The following ATE1 variants were observed in gnomAD, a reference collection of about 807,000 sequenced individuals.
The protein encoded by ATE1 is arginyltransferase 1.
In ATE1, 36 loss-of-function variants were observed where a neutral mutation model predicts 70.5. The ratio of observed to expected loss-of-function variants is 0.51; its 90% confidence interval spans 0.39 to 0.67. The LOEUF is 0.67. Among genes scored for constraint, ATE1 ranks in the 30% least tolerant of loss-of-function variants. The pLI, the probability that ATE1 is intolerant of heterozygous loss-of-function variation, is 0.00. For missense variants in ATE1, 593 were observed against 629.5 expected (o/e 0.94, Z 0.62); for synonymous variants, 232 against 219.3 (o/e 1.06, Z -0.51).
chr10:121,858,093 G>A (rs770082275), intron 8 of ATE1, among the ~76,000 whole-genome samples: 71 of 152,254 alleles, frequency 4.7e-4, no homozygotes, highest in Admixed American at 1.2e-3. Flanking sequence ...ATCCACCGAT[G>A]AATACTTGGG....
At chr10:121,849,006 T>C (rs1054689575) in intron 8 of ATE1, among the ~76,000 whole-genome samples, 2 of 151,390 alleles carry the variant, frequency 1.3e-5, no homozygotes, top group African/African-American at 4.9e-5. Flanking sequence ...AGGTCAGGAG[T>C]TGAAGACCAG....
At chr10:121,891,565 C>A (rs191675284) in intron 7 of ATE1, among the ~76,000 whole-genome samples, 2 of 152,096 alleles carry the variant, frequency 1.3e-5, no homozygotes, top group East Asian at 3.8e-4. Flanking sequence ...GAAAATTCCA[C>A]GGAGAACTTT....
At chr10:121,818,541 G>T (rs757730840) in intron 10 of ATE1, among the ~76,000 whole-genome samples, 1 of 152,148 alleles carries the variant, frequency 6.6e-6, no homozygotes, top group African/African-American at 2.4e-5. Flanking sequence ...AGAGCAGGCC[G>T]CATATGCTTT....
Position 121,741,969 on chromosome 10 carries a change from CT to C in ATE1, c.*1710del, listed in dbSNP as rs1944161846. 6.6e-6 allele frequency: 1 copy of C among 152,134 alleles called. No individual in the cohort carries two copies. Among genetic ancestry groups the C allele is most frequent in the African/African-American group, 2.4e-5 (1 of 41,418 alleles). 9.4% of individuals were successfully genotyped at this position (152,134 alleles called of 1,614,324 possible). A position where few individuals can be genotyped will look rare whatever the true frequency, so the allele number is the denominator to read the frequency against. On this transcript the variant is annotated 3_prime_UTR_variant, in exon 12 of 12. Transcript: ENST00000224652. ...TTTGTTATAATCATAAAATGAAGCT[CT>C]TTTCATTTTAGAGGAAAAAGAGAAA...
At chr10:121,787,703 C>G (rs755873300) in intron 11 of ATE1, among the ~76,000 whole-genome samples, 4 of 152,178 alleles carry the variant, frequency 2.6e-5, no homozygotes, top group Admixed American at 6.5e-5. Flanking sequence ...ATATATTCAT[C>G]GCTCACCAGG....
At chr10:121,769,610 A>G (rs1945417409) in intron 11 of ATE1, among the ~76,000 whole-genome samples, 1 of 152,216 alleles carries the variant, frequency 6.6e-6, no homozygotes, top group Admixed American at 6.5e-5. Flanking sequence ...AATGATGAAA[A>G]GACAAGCTAC....
Position 121,841,160 on chromosome 10 carries a change from G to A in ATE1, c.1079C>T (p.Pro360Leu). 10 of 1,601,566 alleles carry A rather than the reference G, an allele frequency of 6.2e-6. No individual in the cohort carries two copies. The highest frequency in any genetic ancestry group is 8.5e-6 in the Non-Finnish European group (10 of 1,172,082). ...CAAATACACAGATGATACACAGTTT[G>A]GGAGGATGTCAATCACCCCCACAGC... ...IIAVGVIDIL[P>L]NCVSSVYLYY... Residue 360 changes from proline to leucine, a missense_variant, in exon 9 of 12, where the codon CCA (proline) becomes CTA (leucine). Transcript: ENST00000224652.
intron 8 of ATE1, among the ~76,000 whole-genome samples, chr10:121,861,778 C>A (rs1449454270): frequency 1.7e-4 from 25 of 151,456 alleles, no homozygotes; most frequent in Admixed American, 1.3e-3. Flanking sequence ...TATATGGCTG[C>A]AACTTACACT....
chr10:121,784,349 C>T (rs1338746743), intron 11 of ATE1, among the ~76,000 whole-genome samples: 1 of 152,170 alleles, frequency 6.6e-6, no homozygotes, highest in Non-Finnish European at 1.5e-5. Context: ...TTAGTTTTCA[C>T]ATTTTCAAGA....
chr10:121,878,146 A>C (rs2134088950), intron 7 of ATE1, among the ~76,000 whole-genome samples: 1 of 152,344 alleles, frequency 6.6e-6, no homozygotes, highest in South Asian at 2.1e-4. Flanking sequence ...ATTTATATGA[A>C]GCTAAAGGAC....
chr10:121,754,870 C>T (rs866516716), intron 11 of ATE1, among the ~76,000 whole-genome samples: 23 of 152,264 alleles, frequency 1.5e-4, no homozygotes, highest in South Asian at 6.2e-4. Context: ...CACTGTATAC[C>T]TCCTGATATG....
chr10:121,819,415 A>G (rs929806030), intron 10 of ATE1, among the ~76,000 whole-genome samples: 2 of 152,178 alleles, frequency 1.3e-5, no homozygotes, highest in Non-Finnish European at 1.5e-5. Context: ...ACTGTGAGTG[A>G]GGGATAAAAG....
intron 7 of ATE1, among the ~76,000 whole-genome samples, chr10:121,880,141 GATTATT>G (rs1362279318): frequency 6.6e-6 from 1 of 152,082 alleles, no homozygotes; most frequent in Non-Finnish European, 1.5e-5. Context: ...TTAGCTATTT[GATTATT>G]ATTAAGAATA....
At chr10:121,927,327 CTTTTTTTTTTTAACTT>C (rs1289537452) in intron 1 of ATE1, 2 of 811,686 alleles carry the variant, frequency 2.5e-6, no homozygotes, top group Non-Finnish European at 3.0e-6. Context: ...GTTTCTTGTC[CTTTTTTTTTTTAACTT>C]TTTTTTTTTT....
intron 8 of ATE1, among the ~76,000 whole-genome samples, chr10:121,861,483 ATCGCAAGAACAAAAAACCAAAC>A (rs1254097277): frequency 4.0e-5 from 6 of 151,482 alleles, no homozygotes; most frequent in Non-Finnish European, 8.8e-5. Flanking sequence ...TCAGTAAACT[ATCGCAAGAACAAAAAACCAAAC>A]ACCGCATATT....
chr10:121,774,512 GC>G (rs1169329820), intron 11 of ATE1, among the ~76,000 whole-genome samples: 1 of 152,144 alleles, frequency 6.6e-6, no homozygotes, highest in Non-Finnish European at 1.5e-5. Flanking sequence ...GCAATCATTT[GC>G]TCTGGATTTA....
At chr10:121,893,698 A>G (rs954155686) in intron 7 of ATE1, among the ~76,000 whole-genome samples, 5 of 152,202 alleles carry the variant, frequency 3.3e-5, no homozygotes, top group African/African-American at 1.2e-4. Flanking sequence ...GTGTAAATTA[A>G]GATCTCTATC....
intron 11 of ATE1, among the ~76,000 whole-genome samples, chr10:121,763,690 C>T (rs1285134489): frequency 1.3e-5 from 2 of 152,142 alleles, no homozygotes; most frequent in African/African-American, 4.8e-5. Flanking sequence ...TCATTAGACA[C>T]TTGTCAAAAC....
At chr10:121,886,695 TG>T (rs1225674187) in intron 7 of ATE1, among the ~76,000 whole-genome samples, 4 of 152,250 alleles carry the variant, frequency 2.6e-5, no homozygotes, top group African/African-American at 9.6e-5. Context: ...AGTCTGGTGA[TG>T]TTTTGTGACC....
Sources: gnomAD v4.1 joint callset for allele counts (sites outside exome capture counted in the v4.1 genomes callset) on GRCh38, gnomAD v4.1.1 for gene constraint, MANE v1.5 for transcripts, NCBI Gene and HGNC (gene_info 2026-07-23, HGNC 2026-07-21) for gene names.